The following POLG2 variants were observed in gnomAD, a reference collection of about 807,000 sequenced individuals.
POLG2 encodes the protein DNA polymerase gamma 2, accessory subunit, also known as DNA polymerase subunit gamma-2.
In POLG2, 50 loss-of-function variants were observed where a neutral mutation model predicts 56.5. That is an observed-to-expected ratio of 0.88 (90% confidence interval 0.71 to 1.12). The LOEUF is 1.12. POLG2 is among the 50% of genes most tolerant of loss of function. POLG2 has a pLI of 0.00. For missense variants in POLG2, 584 were observed against 583.3 expected (o/e 1.00, Z -0.01); for synonymous variants, 226 against 222.6 (o/e 1.02, Z -0.14).
At chr17:64,494,153 T>A (rs1598136218) in intron 1 of POLG2, among the ~76,000 whole-genome samples, 1 of 152,218 alleles carries the variant, frequency 6.6e-6, no homozygotes, top group East Asian at 1.9e-4. Flanking sequence ...CCTTTCCCCC[T>A]TAATTTTGCT....
At chr17:64,485,691 T>C (rs782075538) in intron 5 of POLG2, 37 bp downstream of exon 5, 4 of 1,549,856 alleles carry the variant, frequency 2.6e-6, no homozygotes, top group East Asian at 4.5e-5. Context: ...CCCATATTTT[T>C]AGTTTCCCAA....
At position 64,485,718 on chromosome 17, in the gene POLG2, T is replaced by A. The variant is rs1555667332; in HGVS notation, c.1110+10A>T. On this transcript the variant is annotated intron_variant, in intron 5 of 7. Coordinates refer to ENST00000539111, the MANE Select transcript of POLG2 (RefSeq NM_007215.4). ...GTTTCCCAAGTCTATCTCTGAAATA[T>A]CAACAGCACCTTTCTATGAAGATTT... 2 of 1,608,068 alleles carry A rather than the reference T, an allele frequency of 1.2e-6. No homozygotes were observed. The highest frequency in any genetic ancestry group is 2.2e-5 in the South Asian group (2 of 90,984).
In POLG2 at chr17:64,496,401, G is replaced by C. The variant is rs781787879; in HGVS notation, c.562+6C>G. 6.4e-7 allele frequency: 1 copy of C among 1,552,894 alleles called. No individual in the cohort carries two copies. Among genetic ancestry groups the C allele is most frequent in the East Asian group, 2.3e-5 (1 of 44,098 alleles). On this transcript the variant is annotated splice_donor_region_variant and intron_variant, in intron 1 of 7. Transcript: ENST00000539111. ...CTGTTTTGAAGCATGAAATCGTGAA[G>C]CATACCGTGAAGAAGGTTCTCCCGT...
At chr17:64,483,924 C>T (rs1376565921) in intron 5 of POLG2, 1 of 152,292 alleles carries the variant, frequency 6.6e-6, no homozygotes, top group Non-Finnish European at 1.5e-5. Context: ...GTTGCCCAGA[C>T]AGACTGGTCT....
In POLG2 at chr17:64,496,903, C is replaced by T; in HGVS notation, c.66G>A (p.Gly22=). 1.2e-6 allele frequency: 2 copies of T among 1,613,004 alleles called. No homozygotes were observed. Among genetic ancestry groups the T allele is most frequent in the South Asian group, 2.2e-5 (2 of 91,082 alleles). ...KVCRCLLSGF[G]GRVDAGQPEL... is the part of the protein sequence containing the mutation. Reference sequence around the variant, plus strand: ...CCGGCTGCCCCGCATCTACTCGACCCCCAAACCCAGACAACAGGCACCTGC... The same window carrying T: ...CCGGCTGCCCCGCATCTACTCGACCTCCAAACCCAGACAACAGGCACCTGC... The change falls in exon 1 of 8, where the codon GGG becomes GGA. Residue 22 remains glycine, a synonymous_variant. Transcript: ENST00000539111.
chr17:64,478,015 C>T (rs782603444), intron 7 of POLG2, 27 bp from the exon 8 acceptor site: 42 of 1,606,948 alleles, frequency 2.6e-5, no homozygotes, highest in Admixed American at 5.0e-5. Flanking sequence ...TAAACAGACA[C>T]ATGAGCACAA....
chr17:64,490,445 T>C (rs1428232962), intron 4 of POLG2: 1 of 288,768 alleles, frequency 3.5e-6, no homozygotes, highest in Non-Finnish European at 6.7e-6. Flanking sequence ...TTCTACAGAT[T>C]AACTAGACTG....
intron 7 of POLG2, 39 bp downstream of exon 7, chr17:64,480,250 T>C (rs200775108): frequency 1.2e-6 from 1 of 867,254 alleles, no homozygotes; most frequent in East Asian, 2.7e-5. Context: ...TCAAAAACTC[T>C]TGAATAAATA....
chr17:64,485,701 A>G, intron 5 of POLG2, 27 bp downstream of exon 5: 1 of 1,586,774 alleles, frequency 6.3e-7, no homozygotes, highest in Non-Finnish European at 8.7e-7. Context: ...TAGTTTCCCA[A>G]GTCTATCTCT....
chr17:64,488,067 C>G (rs1274748986), intron 4 of POLG2, among the ~76,000 whole-genome samples: 1 of 151,518 alleles, frequency 6.6e-6, no homozygotes, highest in East Asian at 2.0e-4. Context: ...AAAACAGATA[C>G]AAAATGGCCT....
chr17:64,480,965 A>C (rs2144131952), intron 6 of POLG2, among the ~76,000 whole-genome samples: 1 of 152,378 alleles, frequency 6.6e-6, no homozygotes, highest in East Asian at 1.9e-4. Context: ...TAAATGACAC[A>C]GTAAACTTAA....
intron 6 of POLG2, among the ~76,000 whole-genome samples, chr17:64,481,086 C>T (rs560190283): frequency 4.6e-5 from 7 of 152,282 alleles, no homozygotes; most frequent in East Asian, 1.9e-4. Context: ...CACTGCTGAC[C>T]CAGGGTGTTT....
At position 64,492,787 on chromosome 17, in the gene POLG2, C is replaced by T. The variant is rs782376147; in HGVS notation, c.690-15G>A. On this transcript the variant is annotated splice_polypyrimidine_tract_variant and intron_variant, in intron 2 of 7. Transcript: ENST00000539111. ...TCTCACCAATACTTTAGATATAAAA[C>T]GTATCAGGAAGTTAGCTTATCTGAA... The T allele has an allele frequency of 5.0e-6, 8 of 1,598,074 alleles. No homozygotes were observed. Among genetic ancestry groups the T allele is most frequent in the African/African-American group, 1.3e-5 (1 of 74,588 alleles).
In POLG2 at chr17:64,482,830, A is replaced by G. The variant is rs542000802; in HGVS notation, c.1191+89T>C. 220 of 787,732 alleles carry G rather than the reference A, an allele frequency of 2.8e-4. 1 individual carries two copies. The Middle Eastern group carries it at 3.1e-3, about 11-fold the overall frequency. The allele number at this position is 787,732 out of a possible 1,614,324, so 48.8% of individuals were successfully genotyped here. A position where few individuals can be genotyped will look rare whatever the true frequency, so the allele number is the denominator to read the frequency against. On this transcript the variant is annotated intron_variant, in intron 6 of 7. Transcript: ENST00000539111. The stretch of plus-strand genomic sequence containing the variant: ...TTAGAGATGCAAATATACCAAAAAA[A>G]TCCGAGATCCAAAATGGTCCTGGTC...
intron 3 of POLG2, chr17:64,491,488 CA>C: frequency 7.4e-7 from 1 of 1,356,436 alleles, no homozygotes. Context: ...CCAGCCCGGG[CA>C]AAAGAGTGAG....
chr17:64,486,276 G>C (rs1006562510), intron 4 of POLG2, among the ~76,000 whole-genome samples: 4 of 152,076 alleles, frequency 2.6e-5, no homozygotes, highest in Non-Finnish European at 5.9e-5. Context: ...ACTGGAGAGG[G>C]ACTTAGGCAT....
intron 4 of POLG2, chr17:64,490,555 C>A: frequency 2.0e-6 from 1 of 504,644 alleles, no homozygotes; most frequent in East Asian, 3.7e-5. Context: ...AGATCTTGGA[C>A]CTATAAATGC....
chr17:64,489,065 G>A (rs1300942380), intron 4 of POLG2, among the ~76,000 whole-genome samples: 1 of 123,766 alleles, frequency 8.1e-6, no homozygotes. Flanking sequence ...TCATCCTGTT[G>A]CACAGGCTGG....
rs1555669683 is a variant in POLG2 at position 64,496,971 on chromosome 17, C to G, written c.-3G>C. The G allele has an allele frequency of 1.2e-6, 2 of 1,603,762 alleles. No individual in the cohort carries two copies. The highest frequency in any genetic ancestry group is 2.7e-5 in the African/African-American group (2 of 74,928). ...CTGACGGCTACACGAGAGCGCATCT[C>G]TCTCCGAAGTTAAAGAGCACACTCT... On this transcript the variant is annotated 5_prime_UTR_variant, in exon 1 of 8. Transcript: ENST00000539111.
Sources: gnomAD v4.1 joint callset for allele counts (sites outside exome capture counted in the v4.1 genomes callset) on GRCh38, gnomAD v4.1.1 for gene constraint, MANE v1.5 for transcripts, NCBI Gene and HGNC (gene_info 2026-07-23, HGNC 2026-07-21) for gene names.